F13A1: variants seen among roughly 807,000 people sequenced by gnomAD.
F13A1 encodes the protein FSF, A subunit.
F13A1 carries 47 observed loss-of-function variants against 80.1 expected under a neutral mutation model. The observed-to-expected ratio is 0.59, with a 90% CI of 0.46 to 0.75. The LOEUF is 0.75. Among genes scored for constraint, F13A1 ranks in the 30% least tolerant of loss-of-function variants. F13A1 has a pLI of 0.00. For missense variants in F13A1, 817 were observed against 930.4 expected, an observed-to-expected ratio of 0.88 and a Z score of 1.59; for synonymous variants, 349 against 344.9, an observed-to-expected ratio of 1.01 and a Z score of -0.13.
chr6:6,281,745 G>A (rs1758068056), intron 3 of F13A1, among the ~76,000 whole-genome samples: 1 of 151,746 alleles, frequency 6.6e-6, no homozygotes, highest in Non-Finnish European at 1.5e-5. Context: ...TGTAATCCTA[G>A]CACCTTGGGA....
intron 3 of F13A1, among the ~76,000 whole-genome samples, chr6:6,278,692 G>A (rs1006271406): frequency 1.3e-5 from 2 of 152,004 alleles, no homozygotes; most frequent in African/African-American, 4.8e-5. Context: ...CTGGAGCAGA[G>A]GGAATTGTGG....
intron 9 of F13A1, among the ~76,000 whole-genome samples, chr6:6,196,176 A>T (rs1393386676): frequency 6.6e-6 from 1 of 152,210 alleles, no homozygotes; most frequent in Non-Finnish European, 1.5e-5. Context: ...CTTACACAGC[A>T]TTTATCTCTT....
chr6:6,299,542 G>T (rs1434503750), intron 3 of F13A1, among the ~76,000 whole-genome samples: 1 of 134,390 alleles, frequency 7.4e-6, no homozygotes, highest in Admixed American at 7.4e-5. Flanking sequence ...TGATCGCATC[G>T]GCTCCTGAGG....
intron 2 of F13A1, among the ~76,000 whole-genome samples, chr6:6,314,539 C>CG: frequency 6.6e-6 from 1 of 152,262 alleles, no homozygotes; most frequent in East Asian, 1.9e-4. Context: ...CTCTAAGTCT[C>CG]GGCTCCAATA....
chr6:6,192,251 G>T (rs1278165404), intron 10 of F13A1, among the ~76,000 whole-genome samples: 3 of 152,182 alleles, frequency 2.0e-5, no homozygotes, highest in African/African-American at 4.8e-5. Context: ...CCACCAGAAG[G>T]GTTGGGGCAG....
chr6:6,217,697 TAAA>T (rs1408771361), intron 8 of F13A1, among the ~76,000 whole-genome samples: 2 of 151,682 alleles, frequency 1.3e-5, no homozygotes, highest in African/African-American at 2.4e-5. Flanking sequence ...TAAATAAAAA[TAAA>T]AATAAAATAA....
intron 12 of F13A1, chr6:6,169,182 C>G (rs950191969): frequency 1.3e-5 from 2 of 152,160 alleles, no homozygotes; most frequent in African/African-American, 4.8e-5. Context: ...GATGTGCAGC[C>G]AGGGTTGAGA....
chr6:6,197,606 A>G (rs1761314357), intron 8 of F13A1, among the ~76,000 whole-genome samples: 2 of 151,844 alleles, frequency 1.3e-5, no homozygotes, highest in South Asian at 4.2e-4. Context: ...TGAATCTGGG[A>G]TATGGAGGTT....
chr6:6,229,436 CTT>C (rs1757320423), intron 6 of F13A1, among the ~76,000 whole-genome samples: 1 of 152,012 alleles, frequency 6.6e-6, no homozygotes, highest in Admixed American at 6.5e-5. Flanking sequence ...TAGAAGAAAA[CTT>C]GAGATATCAA....
At chr6:6,320,382 G>C (rs959670298) in intron 1 of F13A1, among the ~76,000 whole-genome samples, 1 of 152,180 alleles carries the variant, frequency 6.6e-6, no homozygotes, top group East Asian at 1.9e-4. Context: ...GAGCTGCCTC[G>C]AGAGCCTGAG....
intron 4 of F13A1, among the ~76,000 whole-genome samples, chr6:6,266,120 T>G (rs1326304958): frequency 6.6e-6 from 1 of 152,224 alleles, no homozygotes; most frequent in African/African-American, 2.4e-5. Flanking sequence ...GAGGATGAAT[T>G]TTCTATCTTT....
At chr6:6,272,457 T>A (rs1757934363) in intron 3 of F13A1, among the ~76,000 whole-genome samples, 1 of 152,202 alleles carries the variant, frequency 6.6e-6, no homozygotes, top group South Asian at 2.1e-4. Context: ...CTCCCTCTCG[T>A]GCTCCAAAAT....
rs1310541583 is a variant in F13A1 at position 6,224,805 on chromosome 6, G to A, written c.854C>T (p.Ala285Val). Reference protein sequence around the residue: ...VLVGSWDNIYAYGVPPSAWTG... With the variant: ...VLVGSWDNIYVYGVPPSAWTG... ...CCAGGCCGATGGGGGGACGCCATAG[G>A]CATAGATATTGTCCCAGGATCCAAC... is the stretch of plus-strand genomic sequence containing the variant. Residue 285 changes from alanine to valine, a missense_variant, in exon 7 of 15, where the codon GCC becomes GTC. Ala to Val is a moderately conservative substitution (Grantham distance 64). Coordinates refer to ENST00000264870, the MANE Select transcript of F13A1 (RefSeq NM_000129.4). The A allele has an allele frequency of 6.2e-7, 1 of 1,614,132 alleles. No individual in the cohort carries two copies. Among genetic ancestry groups the A allele is most frequent in the South Asian group, 1.1e-5 (1 of 91,082 alleles).
At chr6:6,176,062 T>A (rs1391030162) in intron 11 of F13A1, among the ~76,000 whole-genome samples, 2 of 152,242 alleles carry the variant, frequency 1.3e-5, no homozygotes, top group African/African-American at 4.8e-5. Context: ...TTTTCCATCC[T>A]AAATACCTTT....
chr6:6,220,543 GTGTGTGTGTGTCTGTGTGTCTGTC>G (rs1200678580), intron 8 of F13A1, among the ~76,000 whole-genome samples: 6 of 150,710 alleles, frequency 4.0e-5, no homozygotes, highest in East Asian at 1.9e-4. Context: ...TACAAAGGCT[GTGTGTGTGTGTCTGTGTGTCTGTC>G]TGTGTGTGTG....
Position 6,318,623 on chromosome 6 carries a change from T to C in F13A1, c.42A>G (p.Ala14=), listed in dbSNP as rs1758723001. The change falls in exon 2 of 15, where the codon GCA becomes GCG. Residue 14 remains alanine (A), a synonymous_variant. Coordinates refer to ENST00000264870, the MANE Select transcript of F13A1 (RefSeq NM_000129.4). ...CTGCATTAGAGTTATTGGGTGGAAC[T>C]GCTCTTCTGCCTCCAAAGGCGGTCC... ...TSRTAFGGRR[A]VPPNNSNAAE... 1.9e-6 allele frequency: 3 copies of C among 1,613,110 alleles called. No individual in the cohort carries two copies. The highest frequency in any genetic ancestry group is 1.7e-5 in the Admixed American group (1 of 59,922).
intron 2 of F13A1, among the ~76,000 whole-genome samples, chr6:6,312,265 A>G (rs1758613219): frequency 1.3e-5 from 2 of 151,694 alleles, no homozygotes; most frequent in Admixed American, 6.6e-5. Flanking sequence ...CTCTGTTGCA[A>G]TATCACTTCA....
chr6:6,151,842 T>A lies in F13A1; in HGVS notation c.2016A>T (p.Gly672=), dbSNP rs1440753385. The change falls in exon 14 of 15, where the codon GGA becomes GGT. Residue 672 remains glycine (G), a synonymous_variant. Coordinates refer to ENST00000264870, the MANE Select transcript of F13A1 (RefSeq NM_000129.4). ...ACATCTTCTTCATTGGTCTTGTTACTCCAGGACCATCCAGGTGTACCCAGA... is the reference window on the plus strand; with the variant it reads ...ACATCTTCTTCATTGGTCTTGTTACACCAGGACCATCCAGGTGTACCCAGA... ...RNVWVHLDGP[G]VTRPMKKMFR... 2 of 1,614,086 alleles carry A rather than the reference T, an allele frequency of 1.2e-6. No homozygotes were observed.
At chr6:6,172,046 C>T (rs1184705891) in intron 12 of F13A1, among the ~76,000 whole-genome samples, 1 of 152,208 alleles carries the variant, frequency 6.6e-6, no homozygotes, top group South Asian at 2.1e-4. Flanking sequence ...TGTTTGGTTC[C>T]CCCATGAGAT....
Sources: allele counts gnomAD v4.1 joint callset (sites outside exome capture counted in the v4.1 genomes callset), GRCh38; gene constraint gnomAD v4.1.1; transcripts MANE v1.5; gene names NCBI Gene and HGNC (gene_info 2026-07-23, HGNC 2026-07-21).